Variants in MAVS observed in about 807,000 individuals in gnomAD.
MAVS encodes the protein mitochondrial antiviral-signaling protein.
Under a neutral mutation model 30.2 loss-of-function variants are expected in MAVS, and 20 were observed. That is an observed-to-expected ratio of 0.66 (90% CI 0.47 to 0.96). The LOEUF (loss-of-function observed/expected upper bound fraction) is 0.96, where lower values mean the gene tolerates loss of function less well. Among genes scored for constraint, MAVS ranks in the 40% least tolerant of loss-of-function variants. MAVS has a pLI of 0.00. For missense variants in MAVS, 624 were observed against 701.1 expected (o/e 0.89, Z 1.24); for synonymous variants, 278 against 293.9 (o/e 0.95, Z 0.55).
rs2089893100 is a variant in MAVS at position 3,864,718 on chromosome 20, T to C, written c.1088T>C (p.Val363Ala). The C allele has an allele frequency of 6.2e-7, 1 of 1,614,240 alleles. No homozygotes were observed. Among genetic ancestry groups the C allele is most frequent in the African/African-American group, 1.3e-5 (1 of 75,080 alleles). ...CGTGCTGGCATGGTGCCATCCAAAGTGCCTACTAGCATGGTGCTCACCAAG... is the reference window on the plus strand; with the variant it reads ...CGTGCTGGCATGGTGCCATCCAAAGCGCCTACTAGCATGGTGCTCACCAAG... ...STRAGMVPSK[V>A]PTSMVLTKVS... The change falls in exon 6 of 7, where the codon GTG (valine) becomes GCG (alanine). Residue 363 changes from valine (V) to alanine (A), a missense_variant. Transcript: ENST00000428216.
intron 1 of MAVS, among the ~76,000 whole-genome samples, chr20:3,848,466 C>A (rs116424953): frequency 6.6e-6 from 1 of 152,308 alleles, no homozygotes; most frequent in East Asian, 1.9e-4. Flanking sequence ...AGAGGACCCC[C>A]GCCTCACCTT....
At chr20:3,853,451 A>C (rs1026243098) in intron 1 of MAVS, among the ~76,000 whole-genome samples, 4 of 149,280 alleles carry the variant, frequency 2.7e-5, no homozygotes, top group Admixed American at 6.7e-5. Flanking sequence ...GCGCCACCGC[A>C]CTCCAGCCTG....
At chr20:3,849,162 C>T (rs2089735982) in intron 1 of MAVS, among the ~76,000 whole-genome samples, 1 of 152,056 alleles carries the variant, frequency 6.6e-6, no homozygotes, top group Non-Finnish European at 1.5e-5. Context: ...GCCCCTGCCA[C>T]CTCCTTGACC....
rs143381954 is a variant in MAVS at position 3,872,052 on chromosome 20, G to A, written c.*5905G>A. On this transcript the variant is annotated 3_prime_UTR_variant, in exon 7 of 7. Coordinates refer to ENST00000428216, the MANE Select transcript of MAVS (RefSeq NM_020746.5). ...GGATGAAGGACCCAGGGGACAATGC[G>A]AGGGAAAACTCTGACCCCGGGGCCC... The A allele has an allele frequency of 1.3e-5, 2 of 152,354 alleles. No homozygotes were observed. The highest frequency in any genetic ancestry group is 2.9e-5 in the Non-Finnish European group (2 of 68,042). 9.4% of individuals were successfully genotyped at this position (152,354 alleles called of 1,614,324 possible). A position where few individuals can be genotyped will look rare whatever the true frequency, so the allele number is the denominator to read the frequency against.
chr20:3,850,978 AGT>A (rs2089755452), intron 1 of MAVS, among the ~76,000 whole-genome samples: 1 of 151,928 alleles, frequency 6.6e-6, no homozygotes, highest in Admixed American at 6.6e-5. Context: ...TGAGGTCAAG[AGT>A]TCGAGACCAG....
chr20:3,875,052 C>T lies in MAVS; in HGVS notation c.*8905C>T, dbSNP rs759353819. ...CCTACAGGAAACCTTGATTAGACCC[C>T]TCTCTTTATTAAGCTTCCTAAGATC... is the stretch of plus-strand genomic sequence containing the variant. On this transcript the variant is annotated 3_prime_UTR_variant, in exon 7 of 7. Transcript: ENST00000428216. 3.3e-5 allele frequency: 5 copies of T among 152,346 alleles called. No homozygotes were observed. The highest frequency in any genetic ancestry group is 4.8e-5 in the African/African-American group (2 of 41,446). 9.4% of individuals were successfully genotyped at this position (152,346 alleles called of 1,614,324 possible).
Position 3,864,317 on chromosome 20 carries a change from C to A in MAVS, c.687C>A (p.Pro229=), listed in dbSNP as rs2089888086. 1 of 1,614,018 alleles carries A rather than the reference C, an allele frequency of 6.2e-7. No homozygotes were observed. The part of the protein sequence containing the change: ...GPVSPSVSFQ[P]LARSTPRASR... ...TGTCTCCATCTGTCTCCTTCCAGCC[C>A]CTGGCCCGTTCCACCCCCAGGGCAA... The change falls in exon 6 of 7, where the codon CCC becomes CCA. Residue 229 remains proline, a synonymous_variant. Coordinates refer to ENST00000428216, the MANE Select transcript of MAVS (RefSeq NM_020746.5).
At position 3,860,090 on chromosome 20, in the gene MAVS, T is replaced by C. The variant is rs567620487; in HGVS notation, c.293-1242T>C. ...CCTCGGCCTCCCAAAGTGCTGGGAT[T>C]ACAGGCGTGAGCCACCAAGCCCAGC... On this transcript the variant is annotated intron_variant, in intron 3 of 6. Coordinates refer to ENST00000428216, the MANE Select transcript of MAVS (RefSeq NM_020746.5). 7.2e-5 allele frequency among the ~76,000 whole-genome samples: 11 copies of C among 152,242 alleles called. No individual in the cohort carries two copies. In the East Asian group the frequency reaches 2.1e-3, roughly 30 times the overall value.
Position 3,866,250 on chromosome 20 carries a change from G to C in MAVS, c.*103G>C. The C allele has an allele frequency of 8.6e-7, 1 of 1,164,694 alleles. No homozygotes were observed. Among genetic ancestry groups the C allele is most frequent in the East Asian group, 2.6e-5 (1 of 39,064 alleles). 72.1% of individuals were successfully genotyped at this position (1,164,694 alleles called of 1,614,324 possible). A position where few individuals can be genotyped will look rare whatever the true frequency, so the allele number is the denominator to read the frequency against. On this transcript the variant is annotated 3_prime_UTR_variant, in exon 7 of 7. Transcript: ENST00000428216. ...CCTTTCTTGGGGATTGTGGAGGCTG[G>C]GTCAGAGGGGAGTTAAGGGACTGCA...
In MAVS at chr20:3,862,178, G is replaced by C. The variant is rs1012911979; in HGVS notation, c.466-76G>C. 6 of 1,532,068 alleles carry C rather than the reference G, an allele frequency of 3.9e-6. No individual in the cohort carries two copies. The African/African-American group carries it at 8.2e-5, about 21-fold the overall frequency. The allele number at this position is 1,532,068 out of a possible 1,614,324, so 94.9% of individuals were successfully genotyped here. On this transcript the variant is annotated intron_variant, in intron 4 of 6. Coordinates refer to ENST00000428216, the MANE Select transcript of MAVS (RefSeq NM_020746.5). ...GTGTGGGCTGAGGCCTATAGGAGAT[G>C]CCCCAAGAGCACAAGCTGCCCTTTG... is the stretch of plus-strand genomic sequence containing the variant.
Position 3,861,325 on chromosome 20 carries a change from C to T in MAVS, c.293-7C>T, listed in dbSNP as rs2089865219. ...CTTCTTGATATCACTACATCTTTGT[C>T]CTCTAGGGACCTCGGACCGTCCCCC... On this transcript the variant is annotated splice_region_variant and splice_polypyrimidine_tract_variant and intron_variant, in intron 3 of 6. Transcript: ENST00000428216. 3 of 1,607,800 alleles carry T rather than the reference C, an allele frequency of 1.9e-6. No individual in the cohort carries two copies. Among genetic ancestry groups the T allele is most frequent in the South Asian group, 1.1e-5 (1 of 90,404 alleles).
Position 3,865,704 on chromosome 20 carries a change from C to A in MAVS, c.1180C>A (p.Pro394Thr). 1 of 1,608,918 alleles carries A rather than the reference C, an allele frequency of 6.2e-7. No individual in the cohort carries two copies. The highest frequency in any genetic ancestry group is 8.5e-7 in the Non-Finnish European group (1 of 1,177,168). Residue 394 changes from proline to threonine, a missense_variant, in exon 7 of 7, where the codon CCC becomes ACC. Transcript: ENST00000428216. This position sits in a 1 kb window ranked among gnomAD's most constrained non-coding sequence, Gnocchi z 4.7. Reference sequence around the variant, plus strand: ...CCAGGAGACCCCAGCAGCTCCAACACCCGCCGGCGCCACTGGAGGCAGCTC... The same window carrying A: ...CCAGGAGACCCCAGCAGCTCCAACAACCGCCGGCGCCACTGGAGGCAGCTC... ...RNEETPAAPT[P>T]AGATGGSSAW...
intron 3 of MAVS, among the ~76,000 whole-genome samples, chr20:3,860,395 A>G (rs1001759936): frequency 2.4e-5 from 3 of 127,132 alleles, no homozygotes; most frequent in African/African-American, 6.3e-5. Context: ...TTTTTTTGAG[A>G]CGGAGTCTCG....
rs188376946 is a variant in MAVS, at chr20:3,873,972, C to T, written c.*7825C>T. 12 of 396,696 alleles carry T rather than the reference C, an allele frequency of 3.0e-5. No homozygotes were observed. The highest frequency in any genetic ancestry group is 8.3e-5 in the African/African-American group (4 of 48,474). 24.6% of individuals were successfully genotyped at this position (396,696 alleles called of 1,614,324 possible). A position where few individuals can be genotyped will look rare whatever the true frequency, so the allele number is the denominator to read the frequency against. ...ATTGGCAAGAATGTTTCTAACCACACGCTGACTGTAGCCCCAAACCTGAAA... is the reference window on the plus strand; with the variant it reads ...ATTGGCAAGAATGTTTCTAACCACATGCTGACTGTAGCCCCAAACCTGAAA... On this transcript the variant is annotated 3_prime_UTR_variant, in exon 7 of 7. Transcript: ENST00000428216.
intron 6 of MAVS, 82 bp downstream of exon 6, chr20:3,864,870 TC>T (rs2146776023): frequency 4.0e-6 from 6 of 1,518,922 alleles, no homozygotes; most frequent in Admixed American, 1.8e-5. Context: ...CTTGGCCCCT[TC>T]CCAGTCTGCA....
Position 3,867,720 on chromosome 20 carries a change from T to C in MAVS, c.*1573T>C, listed in dbSNP as rs1284223149. 1.3e-5 allele frequency: 2 copies of C among 153,058 alleles called. No individual in the cohort carries two copies. The highest frequency in any genetic ancestry group is 2.9e-5 in the Non-Finnish European group (2 of 68,628). The allele number at this position is 153,058 out of a possible 1,614,324, so 9.5% of individuals were successfully genotyped here. ...TACTTTATCTTGTGCCTTGAGAAAT[T>C]GCTGGGGAGAGAGGTATGTCCACTG... On this transcript the variant is annotated 3_prime_UTR_variant, in exon 7 of 7. Transcript: ENST00000428216.
In MAVS at chr20:3,847,318, C is replaced by T. The variant is rs538601167; in HGVS notation, c.-68+415C>T. ...CCCTCCGCTGGGTCTGGACAGTTCT[C>T]GGCGGCGACACCAGCTCAAAACGGC... is the stretch of plus-strand genomic sequence containing the variant. On this transcript the variant is annotated intron_variant, in intron 1 of 6. Transcript: ENST00000428216. Among the ~76,000 whole-genome samples, 20 of 152,252 alleles carry T rather than the reference C, an allele frequency of 1.3e-4. No individual in the cohort carries two copies. The East Asian group carries it at 3.1e-3, about 24-fold the overall frequency.
At position 3,864,776 on chromosome 20, in the gene MAVS, C is replaced by T. The variant is rs2089893861; in HGVS notation, c.1146C>T (p.Ser382=). ...VSASTVPTDG[S]SRNEETPAAP... ...CCAGCACAGTCCCCACTGACGGGAG[C>T]AGCAGAAATGAGGTGAGTCCTCGCC... The change falls in exon 6 of 7, where the codon AGC becomes AGT. Residue 382 remains serine, a synonymous_variant. Transcript: ENST00000428216. 1 of 1,613,652 alleles carries T rather than the reference C, an allele frequency of 6.2e-7. No homozygotes were observed. Among genetic ancestry groups the T allele is most frequent in the East Asian group, 2.2e-5 (1 of 44,880 alleles).
At chr20:3,864,837 C>T (rs762765899) in intron 6 of MAVS, 49 bp downstream of exon 6, 10 of 1,586,220 alleles carry the variant, frequency 6.3e-6, no homozygotes, top group Non-Finnish European at 8.6e-6. Context: ...TCCCCCGGGA[C>T]AGCTTGCCCA....
Sources: allele counts gnomAD v4.1 joint callset (sites outside exome capture counted in the v4.1 genomes callset), GRCh38; gene constraint gnomAD v4.1.1; non-coding constraint Gnocchi (gnomAD v3.1); transcripts MANE v1.5; gene names NCBI Gene and HGNC (gene_info 2026-07-23, HGNC 2026-07-21).